Variants in SLC14A2 observed in about 807,000 individuals in gnomAD.
SLC14A2 encodes solute carrier family 14 member 2, also known as urea transporter 2.
In SLC14A2, 91 loss-of-function variants were observed where a neutral mutation model predicts 104.6. The observed-to-expected ratio is 0.87, with a 90% CI of 0.73 to 1.04. The LOEUF (loss-of-function observed/expected upper bound fraction) is 1.04, where lower values mean the gene tolerates loss of function less well. Ranked by LOEUF, SLC14A2 falls within the 50% of genes least tolerant of loss-of-function variation. SLC14A2 has a pLI of 0.00. For synonymous variants in SLC14A2, 476 were observed against 466.4 expected (o/e 1.02, Z -0.27); for missense variants, 1,189 against 1,156.0 (o/e 1.03, Z -0.41).
At chr18:45,662,627 G>A (rs897723720) in intron 10 of SLC14A2, among the ~76,000 whole-genome samples, 1 of 152,142 alleles carries the variant, frequency 6.6e-6, no homozygotes, top group African/African-American at 2.4e-5. Context: ...TTTGTAGGAT[G>A]CTAAAGAAAT....
chr18:45,224,165 G>T (rs547830965), intron 1 of SLC14A2, among the ~76,000 whole-genome samples: 131 of 152,318 alleles, frequency 8.6e-4, no homozygotes, highest in Non-Finnish European at 1.5e-3. Context: ...AGACCAAGAG[G>T]CTGCTGTGCA....
intron 2 of SLC14A2, among the ~76,000 whole-genome samples, chr18:45,588,981 G>T (rs1023917141): frequency 9.2e-5 from 14 of 151,642 alleles, no homozygotes; most frequent in African/African-American, 3.1e-4. Context: ...GGGTGGGGGG[G>T]GGTGTTAAAT....
intron 1 of SLC14A2, among the ~76,000 whole-genome samples, chr18:45,355,020 T>C (rs1399449754): frequency 6.6e-6 from 1 of 152,152 alleles, no homozygotes; most frequent in East Asian, 1.9e-4. Context: ...GAAGAAACAA[T>C]TGAGTCTGAC....
chr18:45,311,710 T>C lies in SLC14A2; in HGVS notation c.-125+98519T>C, dbSNP rs575084620. Among the ~76,000 whole-genome samples the C allele has an allele frequency of 3.3e-5, 5 of 152,342 alleles. No individual in the cohort carries two copies. The Middle Eastern group carries it at 0.014, about 415-fold the overall frequency. On this transcript the variant is annotated intron_variant, in intron 1 of 20. Transcript: ENST00000586448. ...TGATTGACAGCCACTGCATCAGCTGTTGGTAGCCACTTGGGTTCTGATAAG... is the reference window on the plus strand; with the variant it reads ...TGATTGACAGCCACTGCATCAGCTGCTGGTAGCCACTTGGGTTCTGATAAG...
chr18:45,275,733 A>G (rs1413153696), intron 1 of SLC14A2, among the ~76,000 whole-genome samples: 1 of 152,238 alleles, frequency 6.6e-6, no homozygotes, highest in Non-Finnish European at 1.5e-5. Context: ...GTCTCATTAA[A>G]GAGAGTAATA....
At chr18:45,193,832 T>C in the SLC14A2 span, among the ~76,000 whole-genome samples, 5 of 152,178 alleles carry the variant, frequency 3.3e-5, no homozygotes, top group Non-Finnish European at 7.4e-5. Context: ...TATTGAGTTT[T>C]CTATTCCATG....
intron 1 of SLC14A2, among the ~76,000 whole-genome samples, chr18:45,364,448 G>C (rs1243555097): frequency 6.6e-6 from 1 of 152,172 alleles, no homozygotes; most frequent in Admixed American, 6.5e-5. Flanking sequence ...AAAAGGAGTT[G>C]TTCCTCTGTA....
intron 1 of SLC14A2, among the ~76,000 whole-genome samples, chr18:45,273,000 C>T (rs557032681): frequency 6.6e-6 from 1 of 152,172 alleles, no homozygotes; most frequent in South Asian, 2.1e-4. Context: ...CATCAGGAAT[C>T]GTGCAATTGC....
At chr18:45,388,155 A>G (rs533210429) in intron 1 of SLC14A2, among the ~76,000 whole-genome samples, 3 of 141,396 alleles carry the variant, frequency 2.1e-5, no homozygotes, top group East Asian at 4.3e-4. Flanking sequence ...GGCTCACTGC[A>G]AGCTCCGCCT....
chr18:45,246,338 A>G (rs773336110), intron 1 of SLC14A2, among the ~76,000 whole-genome samples: 2 of 152,194 alleles, frequency 1.3e-5, no homozygotes, highest in Non-Finnish European at 2.9e-5. Context: ...AAGCCACCCA[A>G]TCTGTGGTAT....
At chr18:45,402,326 TGA>T (rs1432111924) in intron 1 of SLC14A2, among the ~76,000 whole-genome samples, 1 of 152,206 alleles carries the variant, frequency 6.6e-6, no homozygotes, top group Non-Finnish European at 1.5e-5. Flanking sequence ...GAAGTAATTA[TGA>T]GAGAATAATC....
intron 1 of SLC14A2, among the ~76,000 whole-genome samples, chr18:45,254,410 A>T (rs889259023): frequency 6.6e-6 from 1 of 152,220 alleles, no homozygotes; most frequent in Non-Finnish European, 1.5e-5. Flanking sequence ...GTGAGCTAAC[A>T]TATTAGAGGC....
chr18:45,210,339 TC>T (rs2143964618), upstream of SLC14A2, among the ~76,000 whole-genome samples: 1 of 152,266 alleles, frequency 6.6e-6, no homozygotes, highest in South Asian at 2.1e-4. Context: ...ATTCCTATAA[TC>T]CCAGCACTTT....
At chr18:45,224,877 C>A (rs1174445780) in intron 1 of SLC14A2, among the ~76,000 whole-genome samples, 4 of 152,118 alleles carry the variant, frequency 2.6e-5, no homozygotes, top group Non-Finnish European at 5.9e-5. Context: ...GAGGGTAGTT[C>A]TATCAGTTAA....
intron 2 of SLC14A2, among the ~76,000 whole-genome samples, chr18:45,559,995 C>T (rs116302288): frequency 1.4e-4 from 22 of 152,268 alleles, no homozygotes; most frequent in African/African-American, 4.6e-4. Flanking sequence ...CTGGGTGTGG[C>T]CCAAGTCCCT....
intron 1 of SLC14A2, among the ~76,000 whole-genome samples, chr18:45,354,568 C>G (rs1057326260): frequency 9.8e-5 from 15 of 152,324 alleles, no homozygotes; most frequent in African/African-American, 3.4e-4. Flanking sequence ...CAGAGGGATA[C>G]CTGGAGCCCT....
chr18:45,571,465 C>A (rs1473339178), intron 2 of SLC14A2, among the ~76,000 whole-genome samples: 1 of 152,212 alleles, frequency 6.6e-6, no homozygotes, highest in Admixed American at 6.5e-5. Flanking sequence ...AGCCGGCTGG[C>A]CCTTTTCAGT....
chr18:45,373,488 T>G (rs1317217265), intron 1 of SLC14A2, among the ~76,000 whole-genome samples: 1 of 152,108 alleles, frequency 6.6e-6, no homozygotes, highest in Non-Finnish European at 1.5e-5. Context: ...TCATTTCCTC[T>G]TTTAAAAACT....
intron 2 of SLC14A2, among the ~76,000 whole-genome samples, chr18:45,499,921 A>G (rs2043164764): frequency 1.3e-5 from 2 of 152,156 alleles, no homozygotes; most frequent in Non-Finnish European, 2.9e-5. Flanking sequence ...GTCTCTCTCC[A>G]CGTGCATTAA....
Sources: allele counts gnomAD v4.1 joint callset (sites outside exome capture counted in the v4.1 genomes callset), GRCh38; gene constraint gnomAD v4.1.1; transcripts MANE v1.5; gene names NCBI Gene and HGNC (gene_info 2026-07-23, HGNC 2026-07-21).